Variants in TMTC4 observed in about 807,000 individuals in gnomAD.
TMTC4 encodes the protein protein O-mannosyl-transferase TMTC4.
TMTC4 carries 65 observed loss-of-function variants against 86.0 expected under a neutral mutation model. The observed-to-expected ratio is 0.76, with a 90% confidence interval of 0.62 to 0.93. The LOEUF is 0.93. Among genes scored for constraint, TMTC4 ranks in the 40% least tolerant of loss-of-function variants. TMTC4 has a pLI of 0.00. For missense variants in TMTC4, 866 were observed against 948.1 expected (o/e 0.91, Z 1.14); for synonymous variants, 379 against 382.5 (o/e 0.99, Z 0.11).
intron 15 of TMTC4, among the ~76,000 whole-genome samples, chr13:100,615,632 C>G (rs559740492): frequency 1.4e-4 from 21 of 151,932 alleles, no homozygotes; most frequent in African/African-American, 4.6e-4. Flanking sequence ...TTTGTACTTT[C>G]AGTAGAGATG....
chr13:100,610,166 G>A (rs1306945048), intron 17 of TMTC4, among the ~76,000 whole-genome samples: 1 of 152,216 alleles, frequency 6.6e-6, no homozygotes, highest in Non-Finnish European at 1.5e-5. Flanking sequence ...TGGGTAAAAA[G>A]TGAGTTGTCA....
intron 10 of TMTC4, chr13:100,635,760 C>A (rs976631962): frequency 6.5e-6 from 1 of 153,002 alleles, no homozygotes; most frequent in Non-Finnish European, 1.5e-5. Flanking sequence ...CTGGAACCAC[C>A]TGATCATTCC....
chr13:100,655,016 A>ATTTTTTT lies in TMTC4; in HGVS notation c.640+1358_640+1364dup, dbSNP rs35965658. On this transcript the variant is annotated intron_variant, in intron 6 of 18. Transcript: ENST00000342624. ...GTCTTTGAGAAAAGCCACAACGCCT[A>ATTTTTTT]TTTTTTTTTTTTTTTTTTTTTGTGA... Among the ~76,000 whole-genome samples the ATTTTTTT allele has an allele frequency of 5.1e-5, 6 of 118,652 alleles. 1 individual carries two copies. Among genetic ancestry groups the ATTTTTTT allele is most frequent in the Non-Finnish European group, 8.4e-5 (5 of 59,208 alleles). 77.8% of individuals were successfully genotyped at this position (118,652 alleles called of 152,430 possible).
At position 100,635,044 on chromosome 13, in the gene TMTC4, T is replaced by C; in HGVS notation, c.1354A>G (p.Ser452Gly). The C allele has an allele frequency of 6.2e-7, 1 of 1,612,850 alleles. No homozygotes were observed. The highest frequency in any genetic ancestry group is 8.5e-7 in the Non-Finnish European group (1 of 1,179,386). The change falls in exon 11 of 19, where the codon AGC becomes GGC. Residue 452 changes from serine to glycine, a missense_variant. Coordinates refer to ENST00000342624, the MANE Select transcript of TMTC4 (RefSeq NM_032813.5). ...GATACCTTTTTCTTGGTATGTTTGC[T>C]CAGGGCTCCGAATCCAAAAGTCAGC... ...VLLTFGFGALSKHTKKKKLIA... is the reference protein window; with the variant it reads ...VLLTFGFGALGKHTKKKKLIA...
At chr13:100,674,434 G>A in intron 1 of TMTC4, 2 of 904,974 alleles carry the variant, frequency 2.2e-6, no homozygotes, top group Non-Finnish European at 2.6e-6. Context: ...TGTGCAGGCA[G>A]GGGCTGGGGG....
intron 6 of TMTC4, among the ~76,000 whole-genome samples, chr13:100,644,085 G>A (rs2138923667): frequency 6.6e-6 from 1 of 151,858 alleles, no homozygotes; most frequent in South Asian, 2.1e-4. Flanking sequence ...CTGGCCTGGG[G>A]GTGGGAGGCG....
rs570381913 is a variant in TMTC4 at position 100,645,272 on chromosome 13, T to A, written c.641-2961A>T. Among the ~76,000 whole-genome samples the A allele has an allele frequency of 2.9e-3, 445 of 152,238 alleles. 2 individuals carry two copies. The highest frequency in any genetic ancestry group is 0.01 in the African/African-American group (426 of 41,558). The stretch of plus-strand genomic sequence containing the variant: ...CTCCAGGCCCACCACCACTGCCCAC[T>A]TGCAGGTTCTCACCTGGGTGTGCTT... On this transcript the variant is annotated intron_variant, in intron 6 of 18. Transcript: ENST00000342624.
intron 16 of TMTC4, 146 bp downstream of exon 16, chr13:100,614,170 T>G: frequency 1.5e-6 from 1 of 678,014 alleles, no homozygotes; most frequent in South Asian, 2.3e-5. Flanking sequence ...GAATAGACAT[T>G]TTTGTAATAG....
At chr13:100,629,767 CAT>C (rs1881071659) in intron 12 of TMTC4, among the ~76,000 whole-genome samples, 1 of 152,222 alleles carries the variant, frequency 6.6e-6, no homozygotes, top group East Asian at 1.9e-4. Context: ...CAAATGAGGT[CAT>C]ATGGTTGGGC....
chr13:100,662,927 C>A, intron 5 of TMTC4, 37 bp downstream of exon 5: 1 of 1,608,952 alleles, frequency 6.2e-7, no homozygotes, highest in South Asian at 1.1e-5. Flanking sequence ...TATCGCTTCT[C>A]ACGTGCATAC....
chr13:100,626,239 G>A lies in TMTC4; in HGVS notation c.1507-89C>T, dbSNP rs1880512382. ...CACATCTTCTAACTGAAGACAAAAG[G>A]TAAAGCGACGAGGAAAAAAAATCAC... On this transcript the variant is annotated intron_variant, in intron 12 of 18. Coordinates refer to ENST00000342624, the MANE Select transcript of TMTC4 (RefSeq NM_032813.5). 2.9e-6 allele frequency: 4 copies of A among 1,363,624 alleles called. No individual in the cohort carries two copies. In the South Asian group the frequency reaches 4.7e-5, roughly 16 times the overall value. The allele number at this position is 1,363,624 out of a possible 1,614,324, so 84.5% of individuals were successfully genotyped here.
intron 17 of TMTC4, among the ~76,000 whole-genome samples, chr13:100,612,009 C>T (rs1305712863): frequency 1.3e-5 from 2 of 152,202 alleles, no homozygotes; most frequent in South Asian, 2.1e-4. Flanking sequence ...CAGAGTCAAA[C>T]CCTGTTGTGC....
chr13:100,644,942 G>A (rs928634030), intron 6 of TMTC4, among the ~76,000 whole-genome samples: 1 of 152,072 alleles, frequency 6.6e-6, no homozygotes, highest in Non-Finnish European at 1.5e-5. Flanking sequence ...AGCCTCCTGA[G>A]TAGCTGGGAC....
intron 12 of TMTC4, among the ~76,000 whole-genome samples, chr13:100,630,165 T>G (rs1881163481): frequency 1.3e-5 from 2 of 152,110 alleles, no homozygotes; most frequent in Admixed American, 6.5e-5. Flanking sequence ...GTCTGAACAC[T>G]GCTTCCAAAT....
At chr13:100,664,172 C>T (rs1237875017) in intron 4 of TMTC4, 49 bp downstream of exon 4, 1 of 1,496,200 alleles carries the variant, frequency 6.7e-7, no homozygotes, top group Non-Finnish European at 9.0e-7. Context: ...TCCAATGTCA[C>T]ACACAAGCTG....
intron 9 of TMTC4, among the ~76,000 whole-genome samples, chr13:100,637,276 AC>A (rs1179041878): frequency 6.6e-6 from 1 of 151,802 alleles, no homozygotes. Flanking sequence ...ACTGGCAAGG[AC>A]CCTGATGTGA....
At chr13:100,664,070 C>T in intron 4 of TMTC4, 151 bp downstream of exon 4, 2 of 520,956 alleles carry the variant, frequency 3.8e-6, no homozygotes, top group Non-Finnish European at 6.7e-6. Context: ...CTTCTCTGCA[C>T]CTAGAGACCC....
chr13:100,637,973 A>G lies in TMTC4; in HGVS notation c.791T>C (p.Leu264Pro). ...ATGTAGTACCTTCTGGACAATTTCC[A>G]GAACATTGAATTTGCCTATCACCAA... ...DILVIGKFNVLEIVQKVLHKD... is the reference protein window; with the variant it reads ...DILVIGKFNVPEIVQKVLHKD... Residue 264 changes from leucine (L) to proline (P), a missense_variant, in exon 8 of 19, where the codon CTG (leucine) becomes CCG (proline). Physicochemically the swap from Leu to Pro is moderately conservative, Grantham distance 98. Transcript: ENST00000342624. 7 of 1,614,096 alleles carry G rather than the reference A, an allele frequency of 4.3e-6. No individual in the cohort carries two copies. The highest frequency in any genetic ancestry group is 5.9e-6 in the Non-Finnish European group (7 of 1,180,004).
At chr13:100,639,801 G>A (rs889904143) in intron 7 of TMTC4, among the ~76,000 whole-genome samples, 5 of 152,170 alleles carry the variant, frequency 3.3e-5, no homozygotes, top group South Asian at 2.1e-4. Context: ...TTAGCTGGAC[G>A]TGGTGGCATG....
Sources: allele counts gnomAD v4.1 joint callset (sites outside exome capture counted in the v4.1 genomes callset), GRCh38; gene constraint gnomAD v4.1.1; transcripts MANE v1.5; gene names NCBI Gene and HGNC (gene_info 2026-07-23, HGNC 2026-07-21).